Variants in RIC8B observed in about 807,000 individuals in gnomAD.
RIC8B encodes the protein chaperone Ric-8B.
Under a neutral mutation model 57.5 loss-of-function variants are expected in RIC8B, and 16 were observed. That is an observed-to-expected ratio of 0.28 (90% confidence interval 0.19 to 0.42). The LOEUF (loss-of-function observed/expected upper bound fraction) is 0.42. Among genes scored for constraint, RIC8B ranks in the 10% least tolerant of loss-of-function variants. RIC8B has a pLI of 1.00. For missense variants in RIC8B, 481 were observed against 677.0 expected, an observed-to-expected ratio of 0.71 and a Z score of 3.21; for synonymous variants, 216 against 250.8, an observed-to-expected ratio of 0.86 and a Z score of 1.31.
At chr12:106,871,002 T>C (rs1404967800) in intron 9 of RIC8B, 60 bp downstream of exon 9, 1 of 1,499,632 alleles carries the variant, frequency 6.7e-7, no homozygotes, top group Non-Finnish European at 9.0e-7. Flanking sequence ...TCTTTGTCTC[T>C]CTCACTGAGA....
At chr12:106,786,007 C>T (rs146841426) in intron 2 of RIC8B, among the ~76,000 whole-genome samples, 3 of 151,654 alleles carry the variant, frequency 2.0e-5, no homozygotes, top group East Asian at 1.9e-4. Context: ...CCACCATGCC[C>T]AGCCAATTTT....
intron 2 of RIC8B, among the ~76,000 whole-genome samples, chr12:106,785,785 G>GTCTCTATCTCTCTCTATC (rs2043978157): frequency 9.6e-6 from 1 of 104,624 alleles, no homozygotes; most frequent in Non-Finnish European, 2.0e-5. Context: ...TGTATTCTAT[G>GTCTCTATCTCTCTCTATC]TCTCTCTCTC....
chr12:106,824,987 A>G (rs1043283019), intron 3 of RIC8B, among the ~76,000 whole-genome samples: 1 of 152,168 alleles, frequency 6.6e-6, no homozygotes, highest in Non-Finnish European at 1.5e-5. Context: ...TGGCATATCC[A>G]GGCTCTCTAT....
At chr12:106,868,848 CTTTTTTTTT>C (rs572218268) in intron 8 of RIC8B, among the ~76,000 whole-genome samples, 3 of 85,538 alleles carry the variant, frequency 3.5e-5, no homozygotes, top group Admixed American at 1.2e-4. Flanking sequence ...GAGGCCCAAG[CTTTTTTTTT>C]TTTTTTTTTT....
chr12:106,864,582 C>T (rs1044349168), intron 8 of RIC8B, among the ~76,000 whole-genome samples: 4 of 152,136 alleles, frequency 2.6e-5, no homozygotes, highest in African/African-American at 9.7e-5. Flanking sequence ...GGCAGCCTGA[C>T]TCTAGAGCTT....
At chr12:106,831,490 TC>T (rs1373581646) in intron 4 of RIC8B, among the ~76,000 whole-genome samples, 4 of 152,330 alleles carry the variant, frequency 2.6e-5, no homozygotes, top group African/African-American at 9.6e-5. Context: ...CACCCCCTTG[TC>T]CTCAGAAGAT....
At chr12:106,789,487 T>C (rs117500736) in intron 2 of RIC8B, among the ~76,000 whole-genome samples, 3,644 of 152,106 alleles carry the variant, frequency 0.024, 65 homozygotes, top group Non-Finnish European at 0.038. Flanking sequence ...GAAAAAGCAG[T>C]TTAATTGGAC....
intron 4 of RIC8B, among the ~76,000 whole-genome samples, chr12:106,828,134 C>T (rs1239826600): frequency 6.6e-6 from 1 of 152,080 alleles, no homozygotes; most frequent in Admixed American, 6.6e-5. Flanking sequence ...TGATAAAAAC[C>T]TATCGGCTTC....
intron 9 of RIC8B, chr12:106,873,207 C>T (rs1950521615): frequency 5.1e-6 from 5 of 984,364 alleles, no homozygotes. Context: ...TAAAGCAGAG[C>T]AAATATGTCT....
chr12:106,855,659 T>C (rs1281841646), intron 7 of RIC8B, among the ~76,000 whole-genome samples: 1 of 152,222 alleles, frequency 6.6e-6, no homozygotes, highest in African/African-American at 2.4e-5. Flanking sequence ...ACCTCTCTTC[T>C]TTCTTTGCAG....
At chr12:106,852,920 C>T (rs572794351) in intron 7 of RIC8B, among the ~76,000 whole-genome samples, 19 of 152,282 alleles carry the variant, frequency 1.2e-4, no homozygotes, top group African/African-American at 4.1e-4. Context: ...GATTCGAGAT[C>T]GGAAATGATC....
chr12:106,797,452 C>G lies in RIC8B; in HGVS notation c.132+13408C>G, dbSNP rs1656133398. Among the ~76,000 whole-genome samples, 5 of 152,212 alleles carry G rather than the reference C, an allele frequency of 3.3e-5. No homozygotes were observed. The South Asian group carries it at 1.0e-3, about 32-fold the overall frequency. On this transcript the variant is annotated intron_variant, in intron 2 of 9. Coordinates refer to ENST00000392837, the MANE Select transcript of RIC8B (RefSeq NM_001330145.2). ...ACTTAAAATTTTAGAATAGGCAGAT[C>G]TATGGTGACAAAGTAGATTCATAGT... is the stretch of plus-strand genomic sequence containing the variant.
chr12:106,853,182 C>T (rs1050259649), intron 7 of RIC8B, among the ~76,000 whole-genome samples: 8 of 151,702 alleles, frequency 5.3e-5, no homozygotes, highest in Admixed American at 2.6e-4. Flanking sequence ...TAATTACACA[C>T]CTAAGTGTAT....
chr12:106,808,021 G>A (rs928929946), intron 2 of RIC8B, among the ~76,000 whole-genome samples: 9 of 151,144 alleles, frequency 6.0e-5, no homozygotes, highest in African/African-American at 2.2e-4. Flanking sequence ...GGAGGCGGAG[G>A]TTGCAGTGAG....
At chr12:106,822,077 C>CAAAAAAAAAAAAAAAAAAAAAAAAA (rs67378158) in intron 3 of RIC8B, among the ~76,000 whole-genome samples, 10 of 38,034 alleles carry the variant, frequency 2.6e-4, no homozygotes, top group African/African-American at 4.7e-4. Flanking sequence ...GACTCCATCT[C>CAAAAAAAAAAAAAAAAAAAAAAAAA]AAAAAAAAAA....
chr12:106,851,315 C>CTTTA (rs1555260084), intron 6 of RIC8B, 135 bp from the exon 7 acceptor site: 1 of 208,016 alleles, frequency 4.8e-6, no homozygotes, highest in African/African-American at 4.3e-5. Context: ...GGAAGCTAAC[C>CTTTA]TTTTTTTTTT....
In RIC8B at chr12:106,851,614, C is replaced by T. The variant is rs763577502; in HGVS notation, c.1306+20C>T. 4 of 1,605,786 alleles carry T rather than the reference C, an allele frequency of 2.5e-6. No individual in the cohort carries two copies. The highest frequency in any genetic ancestry group is 3.4e-6 in the Non-Finnish European group (4 of 1,175,278). ...AGAGAGGTAGGTTAAACTCTCTTTGCCTCTGCCTTTTATCTTTCAGAGGGA... is the reference window on the plus strand; with the variant it reads ...AGAGAGGTAGGTTAAACTCTCTTTGTCTCTGCCTTTTATCTTTCAGAGGGA... On this transcript the variant is annotated intron_variant, in intron 7 of 9. Transcript: ENST00000392837.
At chr12:106,813,186 C>CTTTTTTTT (rs1566071608) in intron 2 of RIC8B, among the ~76,000 whole-genome samples, 1 of 131,474 alleles carries the variant, frequency 7.6e-6, no homozygotes, top group African/African-American at 2.8e-5. Context: ...AAATACTATG[C>CTTTTTTTT]CTTTTTTTTT....
intron 6 of RIC8B, 124 bp from the exon 7 acceptor site, chr12:106,851,315 CTTTTTTTTTTT>C (rs34606963): frequency 8.5e-5 from 18 of 212,018 alleles, no homozygotes; most frequent in Admixed American, 3.9e-4. Context: ...GGAAGCTAAC[CTTTTTTTTTTT>C]TTTTTTTTTT....
Sources: gnomAD v4.1 joint callset for allele counts (sites outside exome capture counted in the v4.1 genomes callset) on GRCh38, gnomAD v4.1.1 for gene constraint, MANE v1.5 for transcripts, NCBI Gene and HGNC (gene_info 2026-07-23, HGNC 2026-07-21) for gene names.